PRRC2B: variants seen among roughly 807,000 people sequenced by gnomAD.
The protein encoded by PRRC2B is protein PRRC2B.
Under a neutral mutation model 242.3 loss-of-function variants are expected in PRRC2B, and 68 were observed. The ratio of observed to expected loss-of-function variants is 0.28; its 90% confidence interval spans 0.23 to 0.34. PRRC2B has a LOEUF of 0.34. PRRC2B is among the 10% of genes least tolerant of loss of function. The pLI, the probability that PRRC2B is intolerant of heterozygous loss-of-function variation, is 1.00. For synonymous variants in PRRC2B, 1,228 were observed against 1,173.6 expected (o/e 1.05, Z -0.95); for missense variants, 2,835 against 2,954.8 (o/e 0.96, Z 0.94).
At chr9:131,444,355 C>A (rs761606209) in intron 6 of PRRC2B, 27 bp downstream of exon 6, 16 of 1,602,158 alleles carry the variant, frequency 1.0e-5, no homozygotes, top group Admixed American at 3.4e-5. Context: ...TCTGGGCACT[C>A]GATGGAGTAA....
At chr9:131,495,616 G>A in intron 31 of PRRC2B, 124 bp from the exon 32 acceptor site, 2 of 1,119,436 alleles carry the variant, frequency 1.8e-6, no homozygotes, top group South Asian at 3.0e-5. Context: ...CTTCAACCAA[G>A]GGACTGACAA....
At chr9:131,444,622 C>G (rs1255114297) in intron 6 of PRRC2B, among the ~76,000 whole-genome samples, 1 of 152,106 alleles carries the variant, frequency 6.6e-6, no homozygotes, top group Non-Finnish European at 1.5e-5. Flanking sequence ...GACAAAGGAC[C>G]AATTAACTTA....
chr9:131,495,931 T>C lies in PRRC2B; in HGVS notation c.*57T>C. The C allele has an allele frequency of 5.1e-6, 8 of 1,575,064 alleles. No individual in the cohort carries two copies. Among genetic ancestry groups the C allele is most frequent in the Non-Finnish European group, 6.9e-6 (8 of 1,155,034 alleles). Reference sequence around the variant, plus strand: ...CTGAGGACGGTGCCGCCATGCGGCCTCGACACAGCCGACACTCGGGAGCCT... The same window carrying C: ...CTGAGGACGGTGCCGCCATGCGGCCCCGACACAGCCGACACTCGGGAGCCT... On this transcript the variant is annotated 3_prime_UTR_variant, in exon 32 of 32. Transcript: ENST00000683519.
intron 3 of PRRC2B, among the ~76,000 whole-genome samples, chr9:131,434,752 CTTGAATCTCG>C (rs1838290569): frequency 6.6e-6 from 1 of 152,128 alleles, no homozygotes; most frequent in South Asian, 2.1e-4. Flanking sequence ...GGCTGCCCTC[CTTGAATCTCG>C]TTGAGTGAAA....
chr9:131,447,353 G>A (rs1838836485), intron 8 of PRRC2B, 147 bp downstream of exon 8: 9 of 1,047,422 alleles, frequency 8.6e-6, no homozygotes, highest in Non-Finnish European at 1.2e-5. Context: ...GTGTGGGGTG[G>A]TGGCTGGGAT....
At position 131,476,347 on chromosome 9, in the gene PRRC2B, G is replaced by A. The variant is rs754104771; in HGVS notation, c.4218G>A (p.Ser1406=). The A allele has an allele frequency of 6.3e-6, 10 of 1,589,268 alleles. No individual in the cohort carries two copies. The highest frequency in any genetic ancestry group is 5.4e-5 in the African/African-American group (4 of 74,368). Residue 1406 remains serine (S), a synonymous_variant, in exon 16 of 32, where the codon TCG becomes TCA. Coordinates refer to ENST00000683519, the MANE Select transcript of PRRC2B (RefSeq NM_013318.4). ...ACTCCCAGGTGGATGGTGGCCTGTC[G>A]GGGGCTAGTTTGGGTGAGAAGAAGG... ...EPDSQVDGGL[S]GASLGEKKEL... is the part of the protein sequence containing the mutation.
intron 5 of PRRC2B, among the ~76,000 whole-genome samples, chr9:131,439,563 T>C (rs1285223192): frequency 2.0e-5 from 3 of 152,212 alleles, no homozygotes; most frequent in African/African-American, 7.2e-5. Flanking sequence ...ACTTGGTCTT[T>C]AGTAGCCTGT....
rs1416425379 is a variant in PRRC2B at position 131,487,580 on chromosome 9, C to T, written c.5985-276C>T. On this transcript the variant is annotated intron_variant, in intron 27 of 31. Coordinates refer to ENST00000683519, the MANE Select transcript of PRRC2B (RefSeq NM_013318.4). The surrounding 1 kb of genome is among the most constrained non-coding windows in gnomAD (Gnocchi z 5.3). ...TCTCCCCTTGACTCCCTGTCTCCTCCCCACCGCGGGCTTCTCCGTCAGTGT... is the reference window on the plus strand; with the variant it reads ...TCTCCCCTTGACTCCCTGTCTCCTCTCCACCGCGGGCTTCTCCGTCAGTGT... Among the ~76,000 whole-genome samples the T allele has an allele frequency of 6.6e-6, 1 of 152,174 alleles. No homozygotes were observed. The highest frequency in any genetic ancestry group is 6.5e-5 in the Admixed American group (1 of 15,272).
At position 131,467,559 on chromosome 9, in the gene PRRC2B, C is replaced by G. The variant is rs778424371; in HGVS notation, c.1721-4C>G. 1 of 1,595,210 alleles carries G rather than the reference C, an allele frequency of 6.3e-7. No individual in the cohort carries two copies. The highest frequency in any genetic ancestry group is 8.5e-7 in the Non-Finnish European group (1 of 1,170,828). ...TGTCATTTCTCTGCTGGTATATTCT[C>G]TAGGCTCCCCAGAATTCCCTGCCCA... On this transcript the variant is annotated splice_region_variant and splice_polypyrimidine_tract_variant and intron_variant, in intron 12 of 31. Transcript: ENST00000683519.
chr9:131,433,991 A>G (rs765062849), intron 3 of PRRC2B, among the ~76,000 whole-genome samples: 6 of 152,178 alleles, frequency 3.9e-5, no homozygotes, highest in Non-Finnish European at 8.8e-5. Flanking sequence ...TACCAGCCCT[A>G]AGTGGTTTCC....
At chr9:131,472,237 T>G (rs897550136) in intron 14 of PRRC2B, among the ~76,000 whole-genome samples, 2 of 152,196 alleles carry the variant, frequency 1.3e-5, no homozygotes, top group Admixed American at 6.5e-5. Flanking sequence ...GTGTATAGCT[T>G]TACCACTCTG....
intron 19 of PRRC2B, among the ~76,000 whole-genome samples, chr9:131,481,044 G>A (rs1943846105): frequency 6.6e-6 from 1 of 151,802 alleles, no homozygotes; most frequent in African/African-American, 2.4e-5. Flanking sequence ...GCTCACGTCT[G>A]TAATCCCACC....
intron 1 of PRRC2B, among the ~76,000 whole-genome samples, chr9:131,388,239 CT>C (rs536012324): frequency 0.013 from 1,634 of 121,082 alleles, 46 homozygotes; most frequent in African/African-American, 0.043. Flanking sequence ...TTTACTTTTA[CT>C]TTTTTTTTTT....
chr9:131,385,486 C>T (rs1386391228), intron 1 of PRRC2B, among the ~76,000 whole-genome samples: 2 of 150,412 alleles, frequency 1.3e-5, no homozygotes, highest in African/African-American at 4.8e-5. Flanking sequence ...CCTGGAAAGG[C>T]TAAACTTCCC....
At chr9:131,414,573 C>CT (rs112718348) in intron 1 of PRRC2B, among the ~76,000 whole-genome samples, 2,099 of 138,180 alleles carry the variant, frequency 0.015, 25 homozygotes, top group Non-Finnish European at 0.017. Flanking sequence ...CCATCTTGGG[C>CT]TTTTTTTTTT....
In PRRC2B at chr9:131,497,472, G is replaced by C. The variant is rs1944364108; in HGVS notation, c.*1598G>C. 6.6e-6 allele frequency: 1 copy of C among 152,286 alleles called. No homozygotes were observed. The highest frequency in any genetic ancestry group is 6.5e-5 in the Admixed American group (1 of 15,286). 9.4% of individuals were successfully genotyped at this position (152,286 alleles called of 1,614,324 possible). A position where few individuals can be genotyped will look rare whatever the true frequency, so the allele number is the denominator to read the frequency against. On this transcript the variant is annotated 3_prime_UTR_variant, in exon 32 of 32. Transcript: ENST00000683519. ...TGGCTCAGAACACCTAGAGGAGGGG[G>C]CCGGGGATGCACCCCCCACCAGAGG... is the stretch of plus-strand genomic sequence containing the variant.
At chr9:131,470,750 G>A (rs370870575) in intron 13 of PRRC2B, 38 bp from the exon 14 acceptor site, 31 of 1,573,706 alleles carry the variant, frequency 2.0e-5, no homozygotes, top group African/African-American at 5.4e-5. Flanking sequence ...GTCCCTGGCC[G>A]CACCAGCCTG....
At chr9:131,458,502 TA>T (rs1277767305) in intron 10 of PRRC2B, among the ~76,000 whole-genome samples, 2 of 31,900 alleles carry the variant, frequency 6.3e-5, no homozygotes, top group Non-Finnish European at 2.1e-4. Context: ...AATGTGTTTT[TA>T]TTTTTTTTTT....
intron 1 of PRRC2B, among the ~76,000 whole-genome samples, chr9:131,412,076 G>A (rs1231032905): frequency 2.0e-5 from 3 of 151,922 alleles, no homozygotes; most frequent in Non-Finnish European, 4.4e-5. Context: ...CAGAGTGTGG[G>A]GATTACAGGT....
Sources: allele counts gnomAD v4.1 joint callset (sites outside exome capture counted in the v4.1 genomes callset), GRCh38; gene constraint gnomAD v4.1.1; non-coding constraint Gnocchi (gnomAD v3.1); transcripts MANE v1.5; gene names NCBI Gene and HGNC (gene_info 2026-07-23, HGNC 2026-07-21).